The following OTOGL variants were observed in gnomAD, a reference collection of about 807,000 sequenced individuals.
OTOGL encodes the protein otogelin like.
OTOGL carries 285 observed loss-of-function variants against 318.5 expected under a neutral mutation model. The observed-to-expected ratio is 0.89, with a 90% confidence interval of 0.81 to 0.99. OTOGL has a LOEUF of 0.99. OTOGL is among the 50% of genes least tolerant of loss of function. The pLI, the probability that OTOGL is intolerant of heterozygous loss-of-function variation, is 0.00. For missense variants in OTOGL, 2,899 were observed against 2,845.6 expected (o/e 1.02, Z -0.43); for synonymous variants, 987 against 936.5 (o/e 1.05, Z -0.99).
intron 1 of OTOGL, among the ~76,000 whole-genome samples, chr12:80,159,406 G>A (rs1462526427): frequency 6.6e-6 from 1 of 151,986 alleles, no homozygotes; most frequent in Non-Finnish European, 1.5e-5. Flanking sequence ...TCAATAGGAC[G>A]GTACAAATTC....
In OTOGL at chr12:80,302,619, T is replaced by C; in HGVS notation, c.3064-15T>C. 1 of 1,326,486 alleles carries C rather than the reference T, an allele frequency of 7.5e-7. No individual in the cohort carries two copies. Among genetic ancestry groups the C allele is most frequent in the Non-Finnish European group, 9.7e-7 (1 of 1,033,046 alleles). The allele number at this position is 1,326,486 out of a possible 1,614,324, so 82.2% of individuals were successfully genotyped here. A position where few individuals can be genotyped will look rare whatever the true frequency, so the allele number is the denominator to read the frequency against. On this transcript the variant is annotated splice_polypyrimidine_tract_variant and intron_variant, in intron 27 of 58. Coordinates refer to ENST00000547103, the MANE Select transcript of OTOGL (RefSeq NM_001378609.3). ...CTTACTACTCACTTTGTTTATTTTC[T>C]TTTTTGTTTTTAAGAAACAATCAGG... is the stretch of plus-strand genomic sequence containing the variant.
intron 27 of OTOGL, among the ~76,000 whole-genome samples, chr12:80,298,053 C>G (rs916971161): frequency 2.6e-5 from 4 of 152,150 alleles, no homozygotes; most frequent in African/African-American, 9.7e-5. Flanking sequence ...ACATTTCATT[C>G]ATTCATTCAT....
chr12:80,308,981 GGGGAGAGGGAGAGGGAGA>G (rs59424577), intron 29 of OTOGL, among the ~76,000 whole-genome samples: 1 of 149,368 alleles, frequency 6.7e-6, no homozygotes, highest in Non-Finnish European at 1.5e-5. Flanking sequence ...GGGAGACCGT[GGGGAGAGGGAGAGGGAGA>G]GGGAGAGGGA....
At chr12:80,188,758 A>ATT (rs1875477923) in intron 1 of OTOGL, among the ~76,000 whole-genome samples, 1 of 152,248 alleles carries the variant, frequency 6.6e-6, no homozygotes, top group South Asian at 2.1e-4. Flanking sequence ...AAATAAAGCC[A>ATT]TCTGGTATAT....
intron 29 of OTOGL, among the ~76,000 whole-genome samples, chr12:80,308,052 C>A (rs1390078771): frequency 7.3e-6 from 1 of 136,422 alleles, no homozygotes; most frequent in Non-Finnish European, 1.6e-5. Context: ...GGGGGCTGAT[C>A]CCCCCACCTC....
At chr12:80,314,837 T>C (rs1886870854) in intron 32 of OTOGL, among the ~76,000 whole-genome samples, 1 of 152,204 alleles carries the variant, frequency 6.6e-6, no homozygotes, top group South Asian at 2.1e-4. Context: ...ACCTCAAATA[T>C]TTACCATTGC....
intron 1 of OTOGL, among the ~76,000 whole-genome samples, chr12:80,135,371 C>T: frequency 6.6e-6 from 1 of 150,462 alleles, no homozygotes; most frequent in Non-Finnish European, 1.5e-5. Context: ...TTCCCAGGTT[C>T]AAGCAGTTAT....
chr12:80,136,191 C>T (rs1422133055), intron 1 of OTOGL, among the ~76,000 whole-genome samples: 4 of 151,942 alleles, frequency 2.6e-5, no homozygotes. Context: ...AATTTCTCTC[C>T]CTTCTTTCTC....
intron 1 of OTOGL, among the ~76,000 whole-genome samples, chr12:80,195,158 G>A (rs577432258): frequency 6.6e-6 from 1 of 152,216 alleles, no homozygotes; most frequent in East Asian, 1.9e-4. Flanking sequence ...TCAACATTAT[G>A]TGATTTATAA....
intron 16 of OTOGL, 147 bp downstream of exon 16, chr12:80,255,332 C>T: frequency 1.2e-6 from 1 of 840,106 alleles, no homozygotes; most frequent in Non-Finnish European, 1.6e-6. Flanking sequence ...CATCATTATT[C>T]TACATATTAG....
intron 26 of OTOGL, among the ~76,000 whole-genome samples, chr12:80,287,927 T>G (rs1199386302): frequency 6.6e-6 from 1 of 152,208 alleles, no homozygotes; most frequent in Admixed American, 6.5e-5. Flanking sequence ...GGTGTGAATT[T>G]GATCCTGTCA....
intron 11 of OTOGL, 57 bp downstream of exon 11, chr12:80,239,496 A>G: frequency 8.2e-7 from 1 of 1,220,528 alleles, no homozygotes; most frequent in Non-Finnish European, 1.2e-6. Flanking sequence ...AAGAAGACCC[A>G]CAACTACTTC....
In OTOGL at chr12:80,332,778, C is replaced by T. The variant is rs192895409; in HGVS notation, c.4349-227C>T. Among the ~76,000 whole-genome samples the T allele has an allele frequency of 6.1e-3, 927 of 152,260 alleles. 6 individuals are homozygous for T. The highest frequency in any genetic ancestry group is 0.014 in the Middle Eastern group (4 of 294). ...AAATTTCTGGAATCAGAATTCATTT[C>T]CAAGTTCAAATTCTGCCTCTGCCAC... On this transcript the variant is annotated intron_variant, in intron 37 of 58. Transcript: ENST00000547103.
intron 1 of OTOGL, among the ~76,000 whole-genome samples, chr12:80,104,724 G>T (rs1361104802): frequency 6.6e-6 from 1 of 152,078 alleles, no homozygotes; most frequent in Non-Finnish European, 1.5e-5. Context: ...AAAAGATTTA[G>T]TAAGGATTGT....
chr12:80,312,151 T>C (rs889257434), intron 30 of OTOGL, among the ~76,000 whole-genome samples: 1 of 152,214 alleles, frequency 6.6e-6, no homozygotes, highest in Non-Finnish European at 1.5e-5. Context: ...TGTCAAAGAA[T>C]ATCACAATTA....
chr12:80,159,879 G>C (rs779477222), intron 1 of OTOGL, among the ~76,000 whole-genome samples: 2 of 151,786 alleles, frequency 1.3e-5, no homozygotes, highest in Non-Finnish European at 2.9e-5. Context: ...CCAAAACAGC[G>C]TGGTACTTGT....
At chr12:80,268,994 C>G (rs115405839) in intron 22 of OTOGL, among the ~76,000 whole-genome samples, 5,306 of 151,950 alleles carry the variant, frequency 0.035, 286 homozygotes, top group African/African-American at 0.12. Context: ...TTTTAAAAGC[C>G]TTTGTCCCAG....
intron 40 of OTOGL, 58 bp downstream of exon 40, chr12:80,336,613 T>C (rs1888424561): frequency 1.3e-6 from 2 of 1,529,314 alleles, no homozygotes; most frequent in African/African-American, 1.4e-5. Context: ...TAATGTCTAT[T>C]GCAACATCAG....
chr12:80,256,239 T>C lies in OTOGL; in HGVS notation c.1588-98T>C, dbSNP rs144816892. ...TCTTTTTTGTTCTCTCCTCTCTCTT[T>C]CTCCCCTTCTCCCTTTCTCCCATCT... On this transcript the variant is annotated intron_variant, in intron 16 of 58. Coordinates refer to ENST00000547103, the MANE Select transcript of OTOGL (RefSeq NM_001378609.3). 437 of 1,339,984 alleles carry C rather than the reference T, an allele frequency of 3.3e-4. 4 individuals are homozygous for C. The African/African-American group carries it at 5.6e-3, about 17-fold the overall frequency. 83.0% of individuals were successfully genotyped at this position (1,339,984 alleles called of 1,614,324 possible).
Sources: gnomAD v4.1 joint callset for allele counts (sites outside exome capture counted in the v4.1 genomes callset) on GRCh38, gnomAD v4.1.1 for gene constraint, MANE v1.5 for transcripts, NCBI Gene and HGNC (gene_info 2026-07-23, HGNC 2026-07-21) for gene names.